Variants in PLA2R1 observed in about 807,000 individuals in gnomAD.
PLA2R1 encodes phospholipase A2 receptor 1, also known as secretory phospholipase A2 receptor.
In PLA2R1, 158 loss-of-function variants were observed where a neutral mutation model predicts 195.9. The ratio of observed to expected loss-of-function variants is 0.81; its 90% CI spans 0.71 to 0.92. The LOEUF (loss-of-function observed/expected upper bound fraction) is 0.92. Among genes scored for constraint, PLA2R1 ranks in the 40% least tolerant of loss-of-function variants. The pLI, the probability that PLA2R1 is intolerant of heterozygous loss-of-function variation, is 0.00. For missense variants in PLA2R1, 1,626 were observed against 1,764.6 expected (o/e 0.92, Z 1.41); for synonymous variants, 586 against 598.2 (o/e 0.98, Z 0.30).
intron 25 of PLA2R1, among the ~76,000 whole-genome samples, chr2:159,948,836 A>G (rs1687553310): frequency 6.6e-6 from 1 of 152,182 alleles, no homozygotes; most frequent in African/African-American, 2.4e-5. Flanking sequence ...ACTTTTACTA[A>G]ATGAGAGATT....
chr2:160,025,334 G>A (rs1693427120), intron 6 of PLA2R1, among the ~76,000 whole-genome samples: 1 of 151,982 alleles, frequency 6.6e-6, no homozygotes, highest in African/African-American at 2.4e-5. Context: ...CTGGGCAACA[G>A]TGCAAGACAC....
chr2:159,955,061 T>A, intron 23 of PLA2R1, 138 bp downstream of exon 23: 7 of 634,900 alleles, frequency 1.1e-5, no homozygotes, highest in Non-Finnish European at 1.9e-5. Flanking sequence ...TAAACTTATG[T>A]AAAGCCAAAG....
chr2:159,924,056 G>GA, the PLA2R1 span, among the ~76,000 whole-genome samples: 1 of 152,048 alleles, frequency 6.6e-6, no homozygotes, highest in Non-Finnish European at 1.5e-5. Context: ...TTCTGGAGGA[G>GA]AACCCGTTTC....
At chr2:159,961,973 A>C (rs1327207801) in intron 20 of PLA2R1, among the ~76,000 whole-genome samples, 2 of 152,176 alleles carry the variant, frequency 1.3e-5, no homozygotes, top group African/African-American at 2.4e-5. Context: ...CATAGGCATG[A>C]GCAAAGACTT....
chr2:159,991,096 G>A (rs1690752803), intron 11 of PLA2R1, among the ~76,000 whole-genome samples: 1 of 152,196 alleles, frequency 6.6e-6, no homozygotes. Context: ...TACAGAGTGA[G>A]TGGGTGGGCA....
At position 159,977,291 on chromosome 2, in the gene PLA2R1, G is replaced by A; in HGVS notation, c.2394C>T (p.Ile798=). 6.2e-7 allele frequency: 1 copy of A among 1,610,128 alleles called. No homozygotes were observed. The highest frequency in any genetic ancestry group is 8.5e-7 in the Non-Finnish European group (1 of 1,176,934). ...CGSKREWICK[I]PRDVKPKIPF... Reference sequence around the variant, plus strand: ...TCTTACTACTATTTTTACCTCTTGGGATTTTGCATATCCATTCACGTTTGG... The same window carrying A: ...TCTTACTACTATTTTTACCTCTTGGAATTTTGCATATCCATTCACGTTTGG... The change falls in exon 15 of 30, where the codon ATC becomes ATT. Residue 798 remains isoleucine, a synonymous_variant. Coordinates refer to ENST00000283243, the MANE Select transcript of PLA2R1 (RefSeq NM_007366.5).
At chr2:160,022,055 A>T (rs191704454) in intron 7 of PLA2R1, among the ~76,000 whole-genome samples, 1 of 152,210 alleles carries the variant, frequency 6.6e-6, no homozygotes, top group African/African-American at 2.4e-5. Context: ...TCATCAAAGG[A>T]GATCCTGGAC....
chr2:159,977,310 C>T lies in PLA2R1; in HGVS notation c.2375G>A (p.Arg792His), dbSNP rs199824966. Residue 792 changes from arginine (R) to histidine (H), a missense_variant, in exon 15 of 30, where the codon CGT (arginine) becomes CAT (histidine). Transcript: ENST00000283243. ...TCTTGGGATTTTGCATATCCATTCACGTTTGGAACCACAGTGTAAGGGCAG... is the reference window on the plus strand; with the variant it reads ...TCTTGGGATTTTGCATATCCATTCATGTTTGGAACCACAGTGTAAGGGCAG... ...TLLPLHCGSK[R>H]EWICKIPRDV... The T allele has an allele frequency of 1.5e-4, 243 of 1,612,542 alleles. No homozygotes were observed. The highest frequency in any genetic ancestry group is 9.3e-4 in the Admixed American group (56 of 59,984).
intron 11 of PLA2R1, among the ~76,000 whole-genome samples, chr2:159,995,666 T>A (rs1002529358): frequency 6.6e-6 from 1 of 152,122 alleles, no homozygotes; most frequent in Non-Finnish European, 1.5e-5. Flanking sequence ...CCAGTTTCCA[T>A]ACAAATTTCC....
intron 11 of PLA2R1, among the ~76,000 whole-genome samples, chr2:159,989,945 T>C (rs917484509): frequency 5.3e-5 from 8 of 152,196 alleles, no homozygotes; most frequent in Non-Finnish European, 1.0e-4. Context: ...TCTTCATTAG[T>C]GAAGAAGGAG....
rs1345122581 is a variant in PLA2R1, at chr2:159,932,364, G to A, written c.*9414C>T. The stretch of plus-strand genomic sequence containing the variant: ...AGGAGCCCTTGCTTAAGGACTGCCC[G>A]AGCCAGTGGCTTAGCACATCGATTA... On this transcript the variant is annotated 3_prime_UTR_variant, in exon 30 of 30. Coordinates refer to ENST00000283243, the MANE Select transcript of PLA2R1 (RefSeq NM_007366.5). The A allele has an allele frequency of 6.6e-6, 1 of 152,228 alleles. No homozygotes were observed. The highest frequency in any genetic ancestry group is 1.5e-5 in the Non-Finnish European group (1 of 68,064). 9.4% of individuals were successfully genotyped at this position (152,228 alleles called of 1,614,324 possible). A position where few individuals can be genotyped will look rare whatever the true frequency, so the allele number is the denominator to read the frequency against.
At chr2:159,953,140 A>G (rs148925527) in intron 23 of PLA2R1, among the ~76,000 whole-genome samples, 156 of 152,300 alleles carry the variant, frequency 1.0e-3, no homozygotes, top group African/African-American at 3.6e-3. Flanking sequence ...ATATGTCTGT[A>G]TTTTTACATA....
intron 13 of PLA2R1, among the ~76,000 whole-genome samples, chr2:159,983,265 G>C (rs980588222): frequency 6.6e-6 from 1 of 152,176 alleles, no homozygotes; most frequent in African/African-American, 2.4e-5. Context: ...GACAGCAGAT[G>C]ACCACGGTAT....
intron 6 of PLA2R1, among the ~76,000 whole-genome samples, chr2:160,023,084 C>T (rs78745728): frequency 2.5e-3 from 376 of 152,032 alleles, no homozygotes; most frequent in African/African-American, 8.2e-3. Flanking sequence ...TTTCATTTTC[C>T]GGATGAGCTA....
At chr2:159,976,597 A>C in intron 16 of PLA2R1, 88 bp downstream of exon 16, 1 of 828,088 alleles carries the variant, frequency 1.2e-6, no homozygotes, top group Admixed American at 2.2e-5. Context: ...GATTTGAGAA[A>C]TGTAACAACA....
intron 20 of PLA2R1, among the ~76,000 whole-genome samples, chr2:159,958,116 T>G (rs770156386): frequency 6.6e-6 from 1 of 152,204 alleles, no homozygotes; most frequent in African/African-American, 2.4e-5. Flanking sequence ...ATTCCCAGTG[T>G]TGAAGGTGAG....
intron 1 of PLA2R1, among the ~76,000 whole-genome samples, chr2:160,051,613 CAG>C (rs1213727474): frequency 2.0e-5 from 3 of 152,166 alleles, no homozygotes; most frequent in Non-Finnish European, 4.4e-5. Flanking sequence ...ACAATGGATT[CAG>C]AGCTGATTAC....
intron 11 of PLA2R1, among the ~76,000 whole-genome samples, chr2:159,988,349 T>C (rs1197397141): frequency 6.6e-6 from 1 of 151,002 alleles, no homozygotes; most frequent in Non-Finnish European, 1.5e-5. Context: ...AGCTAGGCTG[T>C]ATATTAACTG....
chr2:159,945,653 A>G (rs1352384789), intron 27 of PLA2R1, among the ~76,000 whole-genome samples: 1 of 152,224 alleles, frequency 6.6e-6, no homozygotes, highest in African/African-American at 2.4e-5. Flanking sequence ...GTGCCGCAAT[A>G]AACATACGTG....
Sources: gnomAD v4.1 joint callset for allele counts (sites outside exome capture counted in the v4.1 genomes callset) on GRCh38, gnomAD v4.1.1 for gene constraint, MANE v1.5 for transcripts, NCBI Gene and HGNC (gene_info 2026-07-23, HGNC 2026-07-21) for gene names.